Variants in CDK19 observed in about 807,000 individuals in gnomAD.
The protein encoded by CDK19 is cyclin-dependent kinase 19.
In CDK19, 20 loss-of-function variants were observed where a neutral mutation model predicts 68.3. The observed-to-expected ratio is 0.29, with a 90% confidence interval of 0.21 to 0.43. The LOEUF is 0.43. CDK19 is among the 20% of genes least tolerant of loss of function. CDK19 has a pLI of 1.00. For synonymous variants in CDK19, 221 were observed against 222.8 expected (o/e 0.99, Z 0.07); for missense variants, 339 against 623.5 (o/e 0.54, Z 4.86).
intron 1 of CDK19, among the ~76,000 whole-genome samples, chr6:110,777,777 G>C (rs76308905): frequency 6.6e-6 from 1 of 152,258 alleles, no homozygotes; most frequent in South Asian, 2.1e-4. Context: ...ACAAACAATT[G>C]GTAGCATATA....
intron 4 of CDK19, among the ~76,000 whole-genome samples, chr6:110,651,518 C>T (rs371801319): frequency 5.3e-5 from 8 of 152,256 alleles, no homozygotes; most frequent in Admixed American, 2.6e-4. Flanking sequence ...AGATTGCTTG[C>T]GCTCAGGAGT....
At chr6:110,638,560 A>G in intron 5 of CDK19, 89 bp downstream of exon 5, 2 of 714,770 alleles carry the variant, frequency 2.8e-6, no homozygotes, top group Non-Finnish European at 5.0e-6. Context: ...TTTTAAAATT[A>G]ACTACCTAAA....
chr6:110,786,311 G>C (rs1346368581), intron 1 of CDK19, among the ~76,000 whole-genome samples: 2 of 152,036 alleles, frequency 1.3e-5, no homozygotes, highest in East Asian at 3.9e-4. Flanking sequence ...CCATCTATTA[G>C]GTCTTTAATT....
chr6:110,649,342 C>G (rs1458587633), intron 4 of CDK19, among the ~76,000 whole-genome samples: 1 of 152,056 alleles, frequency 6.6e-6, no homozygotes, highest in African/African-American at 2.4e-5. Flanking sequence ...GAATCTTCAC[C>G]TTATACCATA....
At chr6:110,687,380 T>C (rs1483386767) in intron 2 of CDK19, among the ~76,000 whole-genome samples, 1 of 152,212 alleles carries the variant, frequency 6.6e-6, no homozygotes, top group Non-Finnish European at 1.5e-5. Context: ...TCACTATGCT[T>C]CTAGAGAAGA....
chr6:110,772,395 C>T (rs1018271666), intron 1 of CDK19, among the ~76,000 whole-genome samples: 1 of 152,078 alleles, frequency 6.6e-6, no homozygotes, highest in African/African-American at 2.4e-5. Context: ...TTCAAATTAT[C>T]TCCCACCGAG....
chr6:110,718,216 G>A (rs1230895892), intron 2 of CDK19, among the ~76,000 whole-genome samples: 1 of 152,156 alleles, frequency 6.6e-6, no homozygotes, highest in African/African-American at 2.4e-5. Context: ...ACAAATGAAA[G>A]CCAAAATAAT....
intron 3 of CDK19, among the ~76,000 whole-genome samples, chr6:110,669,497 A>C (rs1475964146): frequency 6.6e-6 from 1 of 152,000 alleles, no homozygotes; most frequent in African/African-American, 2.4e-5. Context: ...ACAAACAAAA[A>C]AGGCTGGGTG....
chr6:110,764,798 AAAAT>A (rs1467297739), intron 1 of CDK19, among the ~76,000 whole-genome samples: 1 of 151,992 alleles, frequency 6.6e-6, no homozygotes, highest in Non-Finnish European at 1.5e-5. Flanking sequence ...TAAAAATACA[AAAAT>A]TTGCTGGGCG....
chr6:110,757,755 A>AT (rs1156964688), intron 1 of CDK19, among the ~76,000 whole-genome samples: 1 of 152,188 alleles, frequency 6.6e-6, no homozygotes, highest in Non-Finnish European at 1.5e-5. Flanking sequence ...GCACTTATAG[A>AT]AAGATAATAA....
At chr6:110,726,502 A>G (rs1562236723) in intron 2 of CDK19, among the ~76,000 whole-genome samples, 1 of 152,194 alleles carries the variant, frequency 6.6e-6, no homozygotes, top group Non-Finnish European at 1.5e-5. Flanking sequence ...ATGCCTGAAA[A>G]GGTTCCATTT....
intron 1 of CDK19, among the ~76,000 whole-genome samples, chr6:110,771,937 C>G (rs1780042196): frequency 6.6e-6 from 1 of 152,216 alleles, no homozygotes; most frequent in African/African-American, 2.4e-5. Context: ...GAGACCACCT[C>G]AGCCTGGACC....
intron 2 of CDK19, among the ~76,000 whole-genome samples, chr6:110,694,811 C>T (rs543718318): frequency 2.0e-5 from 3 of 152,258 alleles, no homozygotes; most frequent in South Asian, 4.1e-4. Flanking sequence ...TCTCTCAGAA[C>T]ATGGTAAAAT....
intron 2 of CDK19, among the ~76,000 whole-genome samples, chr6:110,702,575 C>T (rs888340401): frequency 1.2e-4 from 18 of 152,078 alleles, no homozygotes; most frequent in African/African-American, 3.9e-4. Flanking sequence ...TGCAGTGAGC[C>T]ATGATCGCAT....
chr6:110,734,052 CCT>C (rs1339791109), intron 2 of CDK19, among the ~76,000 whole-genome samples: 1 of 151,958 alleles, frequency 6.6e-6, no homozygotes, highest in Non-Finnish European at 1.5e-5. Flanking sequence ...AGACAATCTC[CCT>C]CTGTCACCCA....
intron 2 of CDK19, among the ~76,000 whole-genome samples, chr6:110,728,404 T>C (rs940058234): frequency 5.3e-5 from 8 of 152,026 alleles, no homozygotes; most frequent in African/African-American, 1.9e-4. Context: ...TTGCTGCCTA[T>C]ATCCAATTCA....
At chr6:110,762,285 T>C (rs1779281666) in intron 1 of CDK19, among the ~76,000 whole-genome samples, 1 of 152,210 alleles carries the variant, frequency 6.6e-6, no homozygotes, top group East Asian at 1.9e-4. Flanking sequence ...TTGATTTCCC[T>C]GATCTCTCTT....
intron 2 of CDK19, among the ~76,000 whole-genome samples, chr6:110,732,616 C>T (rs1169660964): frequency 6.6e-6 from 1 of 152,188 alleles, no homozygotes; most frequent in Non-Finnish European, 1.5e-5. Flanking sequence ...TTTCCCATTC[C>T]TTTAAAGAAC....
intron 4 of CDK19, among the ~76,000 whole-genome samples, chr6:110,653,363 T>A (rs1005547417): frequency 4.0e-5 from 6 of 151,868 alleles, no homozygotes; most frequent in South Asian, 2.1e-4. Flanking sequence ...TGCTCTTTTT[T>A]AAAAAAAAGA....
Sources: allele counts gnomAD v4.1 joint callset (sites outside exome capture counted in the v4.1 genomes callset), GRCh38; gene constraint gnomAD v4.1.1; transcripts MANE v1.5; gene names NCBI Gene and HGNC (gene_info 2026-07-23, HGNC 2026-07-21).